Variants in TEK observed in about 807,000 individuals in gnomAD.
TEK encodes angiopoietin-1 receptor.
TEK carries 43 observed loss-of-function variants against 131.8 expected under a neutral mutation model. The ratio of observed to expected loss-of-function variants is 0.33; its 90% confidence interval spans 0.26 to 0.42. The LOEUF is 0.42. Among genes scored for constraint, TEK ranks in the 10% least tolerant of loss-of-function variants. The pLI is 1.00. For synonymous variants in TEK, 580 were observed against 491.6 expected, an observed-to-expected ratio of 1.18 and a Z score of -2.38; for missense variants, 1,162 against 1,384.4, an observed-to-expected ratio of 0.84 and a Z score of 2.55.
intron 8 of TEK, among the ~76,000 whole-genome samples, chr9:27,185,040 CAA>C (rs112626612): frequency 1.3e-4 from 19 of 144,276 alleles, no homozygotes; most frequent in Admixed American, 2.7e-4. Flanking sequence ...TGTTGTCTCT[CAA>C]AAAAAAAAAA....
chr9:27,217,261 G>C (rs543745), intron 18 of TEK, among the ~76,000 whole-genome samples: 130,088 of 152,178 alleles, frequency 0.85, 55,869 homozygotes, highest in East Asian at 1. Context: ...GTCCTCTGGA[G>C]AATCTCCCTC....
At chr9:27,220,921 G>C (rs1453366094) in intron 21 of TEK, among the ~76,000 whole-genome samples, 1 of 152,218 alleles carries the variant, frequency 6.6e-6, no homozygotes, top group Admixed American at 6.5e-5. Flanking sequence ...TGGAACACCA[G>C]CAAGTAAGAA....
chr9:27,204,845 A>T, intron 13 of TEK, 66 bp from the exon 14 acceptor site: 3 of 1,606,694 alleles, frequency 1.9e-6, no homozygotes, highest in Non-Finnish European at 2.6e-6. Context: ...CTTCTCCCAC[A>T]TACGGTGTGG....
At position 27,157,849 on chromosome 9, in the gene TEK, T is replaced by A; in HGVS notation, c.71T>A (p.Met24Lys). ...LLLSGTVEGA[M>K]DLILINSLPL... ...CTTTTAGGAACTGTGGAAGGTGCCA[T>A]GGACTTGATCTTGATCAATTCCCTA... is the stretch of plus-strand genomic sequence containing the variant. Residue 24 changes from methionine to lysine, a missense_variant, in exon 2 of 23, where the codon ATG becomes AAG. By Grantham distance (95) the Met-to-Lys change is moderately conservative. Around this residue, in one of 6 missense-constraint regions of TEK, gnomAD observed 436 missense variants for 539.1 expected, o/e 0.81. Coordinates refer to ENST00000380036, the MANE Select transcript of TEK (RefSeq NM_000459.5). 1.9e-6 allele frequency: 3 copies of A among 1,614,176 alleles called. No homozygotes were observed. Among genetic ancestry groups the A allele is most frequent in the Non-Finnish European group, 2.5e-6 (3 of 1,180,022 alleles).
At chr9:27,132,085 CTTTTT>C (rs1209518877) in intron 1 of TEK, among the ~76,000 whole-genome samples, 1 of 135,826 alleles carries the variant, frequency 7.4e-6, no homozygotes, top group African/African-American at 2.7e-5. Flanking sequence ...TATTTTTATT[CTTTTT>C]TTTTTTTTTT....
At chr9:27,195,907 C>G (rs1372867689) in intron 11 of TEK, among the ~76,000 whole-genome samples, 1 of 152,182 alleles carries the variant, frequency 6.6e-6, no homozygotes, top group East Asian at 1.9e-4. Flanking sequence ...CATATTGTTT[C>G]TATTCAGTGA....
intron 1 of TEK, among the ~76,000 whole-genome samples, chr9:27,133,516 C>G (rs966810956): frequency 6.6e-6 from 1 of 152,182 alleles, no homozygotes; most frequent in Non-Finnish European, 1.5e-5. Flanking sequence ...TGTCAGTGAC[C>G]ATATGATGCA....
intron 1 of TEK, among the ~76,000 whole-genome samples, chr9:27,120,368 T>G (rs1821737132): frequency 6.6e-6 from 1 of 152,258 alleles, no homozygotes; most frequent in South Asian, 2.1e-4. Flanking sequence ...GAGGTTTAGC[T>G]CAGGTGTTAT....
intron 3 of TEK, among the ~76,000 whole-genome samples, chr9:27,168,813 A>G (rs1823839139): frequency 6.6e-6 from 1 of 152,210 alleles, no homozygotes; most frequent in African/African-American, 2.4e-5. Flanking sequence ...ATTCATATAT[A>G]TGAATGTACA....
Position 27,169,540 on chromosome 9 carries a change from A to T in TEK, c.539A>T (p.His180Leu). Reference protein sequence around the residue: ...VPDILEVHLPHAQPQDAGVYS... With the variant: ...VPDILEVHLPLAQPQDAGVYS... ...GATATTCTAGAAGTACACCTGCCTCATGCTCAGCCCCAGGATGCTGGAGTG... is the reference window on the plus strand; with the variant it reads ...GATATTCTAGAAGTACACCTGCCTCTTGCTCAGCCCCAGGATGCTGGAGTG... The change falls in exon 4 of 23, where the codon CAT (histidine) becomes CTT (leucine). Residue 180 changes from histidine (H) to leucine (L), a missense_variant. Physicochemically the swap from His to Leu is moderately conservative, Grantham distance 99 (BLOSUM62 -3). This residue lies in a region of TEK where 436 missense variants were observed against 539.1 expected (regional missense o/e 0.81). Transcript: ENST00000380036. 3.1e-6 allele frequency: 5 copies of T among 1,614,176 alleles called. No homozygotes were observed. Among genetic ancestry groups the T allele is most frequent in the Non-Finnish European group, 4.2e-6 (5 of 1,180,002 alleles).
At chr9:27,145,784 G>C (rs1032050646) in intron 1 of TEK, among the ~76,000 whole-genome samples, 6 of 152,194 alleles carry the variant, frequency 3.9e-5, no homozygotes, top group Non-Finnish European at 5.9e-5. Context: ...GGGCGTTGAA[G>C]ACAGAAAGCT....
intron 21 of TEK, among the ~76,000 whole-genome samples, chr9:27,226,632 G>A (rs1262017889): frequency 6.6e-6 from 1 of 152,114 alleles, no homozygotes. Context: ...TAGATGACAG[G>A]TTGATGGGTG....
rs1822393541 is a variant in TEK, at chr9:27,135,569, AT to A, written c.53-22254del. Among the ~76,000 whole-genome samples, 3 of 152,142 alleles carry A rather than the reference AT, an allele frequency of 2.0e-5. No individual in the cohort carries two copies. The South Asian group carries it at 6.2e-4, about 32-fold the overall frequency. ...TACAGCCTCCATAAAATTTACGAAA[AT>A]TTTTTTTCGTATGTATGTATACATT... On this transcript the variant is annotated intron_variant, in intron 1 of 22. Transcript: ENST00000380036.
chr9:27,197,909 A>T (rs1825086389), intron 12 of TEK, among the ~76,000 whole-genome samples: 1 of 152,196 alleles, frequency 6.6e-6, no homozygotes, highest in Non-Finnish European at 1.5e-5. Flanking sequence ...GTTTTGAAGA[A>T]TTATCATATA....
At chr9:27,197,007 TC>T (rs1307437008) in intron 11 of TEK, among the ~76,000 whole-genome samples, 4 of 90,846 alleles carry the variant, frequency 4.4e-5, no homozygotes, top group Admixed American at 2.5e-4. Context: ...ATGCTATCCC[TC>T]CCCCCTCCCC....
rs1257598929 is a variant in TEK, at chr9:27,158,033, A to T, written c.255A>T (p.Lys85Asn). 2 of 1,614,046 alleles carry T rather than the reference A, an allele frequency of 1.2e-6. No individual in the cohort carries two copies. The highest frequency in any genetic ancestry group is 1.7e-6 in the Non-Finnish European group (2 of 1,180,026). Residue 85 changes from lysine (K) to asparagine (N), a missense_variant, in exon 2 of 23, where the codon AAA (lysine) becomes AAT (asparagine). Around this residue, in one of 6 missense-constraint regions of TEK, gnomAD observed 436 missense variants for 539.1 expected, o/e 0.81. Coordinates refer to ENST00000380036, the MANE Select transcript of TEK (RefSeq NM_000459.5). Reference protein sequence around the residue: ...TQDVTREWAKKVVWKREKASK... With the variant: ...TQDVTREWAKNVVWKREKASK... ...ATGTGACCAGAGAATGGGCTAAAAA[A>T]GTTGTTTGGAAGAGAGAAAAGGCTA...
rs2131265982 is a variant in TEK, at chr9:27,228,241, C to A, written c.3236C>A (p.Pro1079His). ...DLMRQCWREK[P>H]YERPSFAQIL... Reference sequence around the variant, plus strand: ...ATGAGACAATGCTGGCGGGAGAAGCCTTATGAGAGGCCATCATTTGCCCAG... The same window carrying A: ...ATGAGACAATGCTGGCGGGAGAAGCATTATGAGAGGCCATCATTTGCCCAG... The change falls in exon 22 of 23, where the codon CCT becomes CAT. Residue 1079 changes from proline (P) to histidine (H), a missense_variant. Pro to His is a moderately conservative substitution (Grantham distance 77). Around this residue, in one of 6 missense-constraint regions of TEK, gnomAD observed 84 missense variants for 80.3 expected, o/e 1.05. Coordinates refer to ENST00000380036, the MANE Select transcript of TEK (RefSeq NM_000459.5). 1 of 1,613,036 alleles carries A rather than the reference C, an allele frequency of 6.2e-7. No individual in the cohort carries two copies. Among genetic ancestry groups the A allele is most frequent in the Non-Finnish European group, 8.5e-7 (1 of 1,179,258 alleles).
intron 1 of TEK, among the ~76,000 whole-genome samples, chr9:27,147,524 A>C (rs980628081): frequency 1.3e-5 from 2 of 151,812 alleles, no homozygotes; most frequent in African/African-American, 4.8e-5. Flanking sequence ...CTCCCAGTTC[A>C]TGGTTTGTCC....
At chr9:27,128,047 T>C (rs1336033246) in intron 1 of TEK, among the ~76,000 whole-genome samples, 2 of 152,216 alleles carry the variant, frequency 1.3e-5, no homozygotes, top group African/African-American at 2.4e-5. Flanking sequence ...ATGAAGTCCT[T>C]GCCCATGCCT....
Sources: gnomAD v4.1 joint callset for allele counts (sites outside exome capture counted in the v4.1 genomes callset) on GRCh38, gnomAD v4.1.1 for gene constraint, gnomAD v4.1.1 regional missense constraint, MANE v1.5 for transcripts, NCBI Gene and HGNC (gene_info 2026-07-23, HGNC 2026-07-21) for gene names.